Variants in NOTCH2 observed in about 807,000 individuals in gnomAD.
The protein encoded by NOTCH2 is neurogenic locus notch homolog protein 2.
In NOTCH2, 29 loss-of-function variants were observed where a neutral mutation model predicts 235.8. The observed-to-expected ratio is 0.12, with a 90% CI of 0.09 to 0.17. NOTCH2 has a LOEUF of 0.17. Ranked by LOEUF, NOTCH2 falls within the 10% of genes least tolerant of loss-of-function variation. The pLI is 1.00. For synonymous variants in NOTCH2, 1,086 were observed against 1,141.5 expected (o/e 0.95, Z 0.98); for missense variants, 2,285 against 3,150.2 (o/e 0.73, Z 6.57).
At chr1:119,987,272 G>A (rs1652056904) in intron 4 of NOTCH2, among the ~76,000 whole-genome samples, 190 bp from the exon 5 acceptor site, 1 of 152,170 alleles carries the variant, frequency 6.6e-6, no homozygotes, top group Admixed American at 6.6e-5. Context: ...TAGCTAGACA[G>A]TGAAAGTGAC....
At chr1:119,937,002 G>C (rs781982713) in intron 21 of NOTCH2, among the ~76,000 whole-genome samples, 1 of 152,128 alleles carries the variant, frequency 6.6e-6, no homozygotes, top group Non-Finnish European at 1.5e-5. Context: ...GGGTGGGCCT[G>C]TAAAATGCAC....
At chr1:119,966,108 T>C (rs1415801705) in intron 9 of NOTCH2, among the ~76,000 whole-genome samples, 1 of 152,174 alleles carries the variant, frequency 6.6e-6, no homozygotes, top group African/African-American at 2.4e-5. Context: ...AAGGCTTCTG[T>C]GAGGTATGAG....
At chr1:119,941,949 T>C (rs1650079583) in intron 17 of NOTCH2, among the ~76,000 whole-genome samples, 195 bp from the exon 18 acceptor site, 3 of 152,206 alleles carry the variant, frequency 2.0e-5, no homozygotes, top group South Asian at 2.1e-4. Flanking sequence ...TGTTTATTAA[T>C]TGGAATAAAC....
chr1:119,979,164 T>C (rs1365950096), intron 5 of NOTCH2, among the ~76,000 whole-genome samples: 3 of 152,086 alleles, frequency 2.0e-5, no homozygotes, highest in Admixed American at 1.3e-4. Flanking sequence ...AATGAAGAAA[T>C]ATAAGTCAGT....
intron 3 of NOTCH2, among the ~76,000 whole-genome samples, chr1:120,002,399 A>T (rs587767773): frequency 4.3e-3 from 656 of 150,970 alleles, no homozygotes; most frequent in Non-Finnish European, 6.5e-3. Context: ...AATACAGGAG[A>T]TCCATTAGGG....
intron 5 of NOTCH2, among the ~76,000 whole-genome samples, chr1:119,975,285 T>C (rs868935675): frequency 3.3e-5 from 5 of 151,966 alleles, no homozygotes; most frequent in African/African-American, 4.8e-5. Context: ...TTTGCAGGAG[T>C]AGGGTCACCT....
At chr1:119,940,779 T>C (rs373830204) in intron 18 of NOTCH2, 23 bp from the exon 19 acceptor site, 3 of 1,599,410 alleles carry the variant, frequency 1.9e-6, no homozygotes, top group African/African-American at 2.7e-5. Context: ...CAGAGCAACA[T>C]CAGCTATGTA....
Position 119,922,761 on chromosome 1 carries a change from T to G in NOTCH2, c.4877A>C (p.Glu1626Ala). The change falls in exon 27 of 34, where the codon GAA (glutamate) becomes GCA (alanine). Residue 1626 changes from glutamate (E) to alanine (A), a missense_variant. Glu to Ala is a moderately radical substitution (Grantham distance 107). Around this residue, in one of 6 missense-constraint regions of NOTCH2, gnomAD observed 1,173 missense variants for 1,515.3 expected, o/e 0.77. Coordinates refer to ENST00000256646, the MANE Select transcript of NOTCH2 (RefSeq NM_024408.4). ...TTGAACACACTGGCGGTTGTCAATTTCCAGAAAGACTTTAGAGCTGTGGGA... is the reference window on the plus strand; with the variant it reads ...TTGAACACACTGGCGGTTGTCAATTGCCAGAAAGACTTTAGAGCTGTGGGA... ...QEVAGSKVFLEIDNRQCVQDS... is the reference protein window; with the variant it reads ...QEVAGSKVFLAIDNRQCVQDS... 1 of 1,614,082 alleles carries G rather than the reference T, an allele frequency of 6.2e-7. No homozygotes were observed. Among genetic ancestry groups the G allele is most frequent in the Non-Finnish European group, 8.5e-7 (1 of 1,180,028 alleles).
At chr1:119,977,875 T>TAC (rs1651652509) in intron 5 of NOTCH2, among the ~76,000 whole-genome samples, 1 of 152,058 alleles carries the variant, frequency 6.6e-6, no homozygotes, top group African/African-American at 2.4e-5. Flanking sequence ...TATGTACACA[T>TAC]ACACACACAC....
intron 1 of NOTCH2, among the ~76,000 whole-genome samples, chr1:120,034,334 C>T (rs1654222923): frequency 1.1e-5 from 1 of 93,614 alleles, no homozygotes; most frequent in African/African-American, 8.7e-5. Flanking sequence ...CTCTACTCCA[C>T]CAAAAAAAAA....
intron 22 of NOTCH2, among the ~76,000 whole-genome samples, chr1:119,933,607 G>A (rs1209736853): frequency 6.6e-6 from 1 of 152,154 alleles, no homozygotes; most frequent in East Asian, 1.9e-4. Flanking sequence ...ATGGATATCA[G>A]AAAGCAGTGG....
At chr1:120,047,960 G>A (rs1553213907) in intron 1 of NOTCH2, among the ~76,000 whole-genome samples, 1 of 149,570 alleles carries the variant, frequency 6.7e-6, no homozygotes, top group Admixed American at 6.6e-5. Flanking sequence ...TAGAGACGGG[G>A]TTTTGCCACA....
chr1:120,011,336 T>G (rs1437625117), intron 2 of NOTCH2, among the ~76,000 whole-genome samples: 1 of 152,126 alleles, frequency 6.6e-6, no homozygotes, highest in Non-Finnish European at 1.5e-5. Context: ...CTCTACCCTC[T>G]AGAACAAAAA....
At chr1:120,017,524 A>C (rs1302014180) in intron 2 of NOTCH2, among the ~76,000 whole-genome samples, 4 of 152,218 alleles carry the variant, frequency 2.6e-5, no homozygotes, top group Non-Finnish European at 5.9e-5. Flanking sequence ...GCAGAAGCAC[A>C]AGGTCAAAAT....
chr1:119,959,014 G>T (rs782218581), intron 12 of NOTCH2, among the ~76,000 whole-genome samples: 2 of 152,142 alleles, frequency 1.3e-5, no homozygotes, highest in Non-Finnish European at 2.9e-5. Context: ...GTACCCAGAA[G>T]CAAGCATTCA....
At chr1:119,975,693 A>T (rs1371432745) in intron 5 of NOTCH2, among the ~76,000 whole-genome samples, 9 of 152,050 alleles carry the variant, frequency 5.9e-5, no homozygotes, top group Admixed American at 2.6e-4. Flanking sequence ...GGCAGTAAAT[A>T]TAACAGGGTG....
intron 13 of NOTCH2, 148 bp from the exon 14 acceptor site, chr1:119,953,836 T>C (rs368965863): frequency 1.3e-6 from 1 of 751,104 alleles, no homozygotes; most frequent in Non-Finnish European, 2.3e-6. Flanking sequence ...GCACATGGTG[T>C]GTACCATGTG....
At chr1:119,944,049 T>C (rs1440771146) in intron 17 of NOTCH2, among the ~76,000 whole-genome samples, 2 of 151,054 alleles carry the variant, frequency 1.3e-5, no homozygotes, top group Non-Finnish European at 1.5e-5. Context: ...AAACACTAAG[T>C]GGAAAAAACA....
At chr1:119,972,614 G>A (rs1651411115) in intron 5 of NOTCH2, among the ~76,000 whole-genome samples, 1 of 152,178 alleles carries the variant, frequency 6.6e-6, no homozygotes, top group Non-Finnish European at 1.5e-5. Flanking sequence ...GTAAATAAAG[G>A]AAAGGAAATG....
Sources: allele counts gnomAD v4.1 joint callset (sites outside exome capture counted in the v4.1 genomes callset), GRCh38; gene constraint gnomAD v4.1.1; regional missense constraint gnomAD v4.1.1; transcripts MANE v1.5; gene names NCBI Gene and HGNC (gene_info 2026-07-23, HGNC 2026-07-21).